The following ATRNL1 variants were observed in gnomAD, a reference collection of about 807,000 sequenced individuals.
ATRNL1 encodes the protein attractin-like protein 1.
Under a neutral mutation model 182.7 loss-of-function variants are expected in ATRNL1, and 95 were observed. The observed-to-expected ratio is 0.52, with a 90% CI of 0.44 to 0.62. The LOEUF is 0.62. Among genes scored for constraint, ATRNL1 ranks in the 20% least tolerant of loss-of-function variants. The pLI is 0.00. For missense variants in ATRNL1, 1,471 were observed against 1,679.5 expected, an observed-to-expected ratio of 0.88 and a Z score of 2.17; for synonymous variants, 576 against 568.3, an observed-to-expected ratio of 1.01 and a Z score of -0.19.
At chr10:115,769,307 C>G (rs1555075766) in intron 27 of ATRNL1, among the ~76,000 whole-genome samples, 1 of 152,070 alleles carries the variant, frequency 6.6e-6, no homozygotes, top group Non-Finnish European at 1.5e-5. Context: ...AAAAGTGTTG[C>G]TAAATAGTGC....
intron 26 of ATRNL1, among the ~76,000 whole-genome samples, chr10:115,702,576 A>G (rs192005642): frequency 7.9e-5 from 12 of 152,024 alleles, no homozygotes; most frequent in Non-Finnish European, 1.5e-4. Flanking sequence ...GGAACTAATC[A>G]ACAACTTCAG....
chr10:115,094,663 T>G (rs116670513), intron 1 of ATRNL1, among the ~76,000 whole-genome samples: 1,806 of 152,256 alleles, frequency 0.012, 35 homozygotes, highest in African/African-American at 0.04. Context: ...TTGCTAGAAT[T>G]ATTATGCTGG....
At chr10:115,758,735 C>T (rs1412229378) in intron 27 of ATRNL1, among the ~76,000 whole-genome samples, 1 of 152,230 alleles carries the variant, frequency 6.6e-6, no homozygotes, top group East Asian at 1.9e-4. Context: ...CACAGCCGCC[C>T]CTTCCCCCAG....
Position 115,621,276 on chromosome 10 carries a change from T to TATATATATAGAG in ATRNL1, c.3795+71741_3795+71742insTATATATAGAGA, listed in dbSNP as rs1268020830. Among the ~76,000 whole-genome samples, 420 of 47,478 alleles carry TATATATATAGAG rather than the reference T, an allele frequency of 8.8e-3. 3 individuals carry two copies. Among genetic ancestry groups the TATATATATAGAG allele is most frequent in the Non-Finnish European group, 0.012 (290 of 23,842 alleles). The allele number at this position is 47,478 out of a possible 152,430, so 31.1% of individuals were successfully genotyped here. A position where few individuals can be genotyped will look rare whatever the true frequency, so the allele number is the denominator to read the frequency against. On this transcript the variant is annotated intron_variant, in intron 26 of 28. Transcript: ENST00000355044. ...CTGAATATATATATATATATATATA[T>TATATATATAGAG]AGAGAGAGAGAGAGAGAGAGAGAGA...
chr10:115,325,805 G>C (rs1854842241), intron 18 of ATRNL1, among the ~76,000 whole-genome samples: 1 of 151,746 alleles, frequency 6.6e-6, no homozygotes, highest in Admixed American at 6.6e-5. Flanking sequence ...TATCATTGCT[G>C]GTACATTTAC....
rs1420143943 is a variant in ATRNL1, at chr10:115,223,929, A to ATATTTTTTTTTTTTTTTTT, written c.1532+8050_1532+8051insATTTTTTTTTTTTTTTTTT. Among the ~76,000 whole-genome samples the ATATTTTTTTTTTTTTTTTT allele has an allele frequency of 8.9e-5, 4 of 44,732 alleles. 1 individual carries two copies. Among genetic ancestry groups the ATATTTTTTTTTTTTTTTTT allele is most frequent in the Middle Eastern group, 0.017 (1 of 58 alleles). 29.3% of individuals were successfully genotyped at this position (44,732 alleles called of 152,430 possible). A position where few individuals can be genotyped will look rare whatever the true frequency, so the allele number is the denominator to read the frequency against. On this transcript the variant is annotated intron_variant, in intron 9 of 28. Coordinates refer to ENST00000355044, the MANE Select transcript of ATRNL1 (RefSeq NM_207303.4). ...TGTGTGTGTGTATATATATATATAT[A>ATATTTTTTTTTTTTTTTTT]TTTTTTTTTTTTTTTTTTTTCTTTG...
intron 10 of ATRNL1, among the ~76,000 whole-genome samples, chr10:115,258,448 G>T (rs745649577): frequency 1.1e-4 from 17 of 151,982 alleles, no homozygotes; most frequent in Admixed American, 2.0e-4. Context: ...CTCCTGTCAT[G>T]GTTTTCAGCT....
intron 26 of ATRNL1, among the ~76,000 whole-genome samples, chr10:115,682,946 A>G (rs1946097804): frequency 6.6e-6 from 1 of 152,170 alleles, no homozygotes; most frequent in African/African-American, 2.4e-5. Context: ...TTTTCTAGCT[A>G]TGTAACTTTA....
chr10:115,415,664 A>G (rs890619135), intron 20 of ATRNL1, among the ~76,000 whole-genome samples: 37 of 151,854 alleles, frequency 2.4e-4, no homozygotes, highest in Non-Finnish European at 4.1e-4. Flanking sequence ...TATGTAATTA[A>G]CATCCTTTTT....
At chr10:115,469,582 A>G (rs1471755073) in intron 24 of ATRNL1, among the ~76,000 whole-genome samples, 2 of 150,638 alleles carry the variant, frequency 1.3e-5, no homozygotes, top group Non-Finnish European at 3.0e-5. Context: ...GCCAACTGAA[A>G]TGTTTTGGTT....
intron 10 of ATRNL1, among the ~76,000 whole-genome samples, chr10:115,253,162 T>C (rs1402713645): frequency 6.6e-6 from 1 of 152,152 alleles, no homozygotes; most frequent in Non-Finnish European, 1.5e-5. Flanking sequence ...ATCAATGCCT[T>C]TGCAAGAGGT....
At chr10:115,892,943 A>C (rs560521823) in intron 28 of ATRNL1, among the ~76,000 whole-genome samples, 14 of 152,340 alleles carry the variant, frequency 9.2e-5, no homozygotes, top group African/African-American at 3.4e-4. Context: ...CTTTAGAGAG[A>C]CTCAAGACAA....
At chr10:115,370,450 A>G (rs1339017867) in intron 19 of ATRNL1, among the ~76,000 whole-genome samples, 3 of 152,222 alleles carry the variant, frequency 2.0e-5, no homozygotes, top group African/African-American at 7.2e-5. Context: ...GATATGGACA[A>G]TGAAATCCAG....
intron 24 of ATRNL1, among the ~76,000 whole-genome samples, chr10:115,482,367 A>T (rs1237259647): frequency 6.6e-6 from 1 of 151,062 alleles, no homozygotes; most frequent in African/African-American, 2.4e-5. Context: ...AGAGTTGCTT[A>T]TTCAAATGGC....
chr10:115,163,364 A>C (rs1260968636), intron 6 of ATRNL1, among the ~76,000 whole-genome samples: 2 of 129,444 alleles, frequency 1.5e-5, no homozygotes, highest in Non-Finnish European at 1.7e-5. Context: ...TTCTTGTTTT[A>C]TTTTATTTGC....
chr10:115,701,254 A>G (rs1555051448), intron 26 of ATRNL1, among the ~76,000 whole-genome samples: 2 of 152,072 alleles, frequency 1.3e-5, no homozygotes, highest in Non-Finnish European at 2.9e-5. Flanking sequence ...ATTATTGGAA[A>G]TAAGTGAAAA....
intron 26 of ATRNL1, among the ~76,000 whole-genome samples, chr10:115,618,552 T>A (rs1565217898): frequency 6.6e-6 from 1 of 152,060 alleles, no homozygotes; most frequent in South Asian, 2.1e-4. Flanking sequence ...TCAGACTGGT[T>A]TATTTCAAAA....
rs1373641230 is a variant in ATRNL1 at position 115,203,768 on chromosome 10, T to G, written c.1349-11929T>G. 2.0e-4 allele frequency among the ~76,000 whole-genome samples: 15 copies of G among 75,974 alleles called. No homozygotes were observed. In the East Asian group the frequency reaches 4.9e-3, roughly 25 times the overall value. The allele number at this position is 75,974 out of a possible 152,430, so 49.8% of individuals were successfully genotyped here. A position where few individuals can be genotyped will look rare whatever the true frequency, so the allele number is the denominator to read the frequency against. On this transcript the variant is annotated intron_variant, in intron 8 of 28. Transcript: ENST00000355044. ...CTATTTTTTTTTTTTTTTTTTTTTT[T>G]GTATTTTTAGTAGAGACAGGGTTTC... is the stretch of plus-strand genomic sequence containing the variant.
intron 26 of ATRNL1, among the ~76,000 whole-genome samples, chr10:115,594,584 G>T (rs932216309): frequency 6.6e-6 from 1 of 152,162 alleles, no homozygotes. Context: ...GTGGCTCACC[G>T]CAATCTCCGC....
Sources: allele counts gnomAD v4.1 joint callset (sites outside exome capture counted in the v4.1 genomes callset), GRCh38; gene constraint gnomAD v4.1.1; transcripts MANE v1.5; gene names NCBI Gene and HGNC (gene_info 2026-07-23, HGNC 2026-07-21).